CCDC33: variants seen among roughly 807,000 people sequenced by gnomAD.
CCDC33 encodes the protein coiled-coil domain-containing protein 33.
Under a neutral mutation model 91.9 loss-of-function variants are expected in CCDC33, and 94 were observed. That is an observed-to-expected ratio of 1.02 (90% CI 0.87 to 1.21). CCDC33 has a LOEUF of 1.21. Among genes scored for constraint, CCDC33 ranks in the 50% most tolerant of loss-of-function variants. CCDC33 has a pLI of 0.00. For missense variants in CCDC33, 940 were observed against 935.5 expected (o/e 1.00, Z -0.06); for synonymous variants, 396 against 374.5 (o/e 1.06, Z -0.66).
chr15:74,210,807 T>C (rs2074355384), intron 2 of CCDC33, among the ~76,000 whole-genome samples: 1 of 152,184 alleles, frequency 6.6e-6, no homozygotes, highest in Non-Finnish European at 1.5e-5. Flanking sequence ...AAAAAGAGTG[T>C]TGAGCACAAT....
At position 74,244,689 on chromosome 15, in the gene CCDC33, C is replaced by T. The variant is rs1317247378; in HGVS notation, c.185+541C>T. The stretch of plus-strand genomic sequence containing the variant: ...CAGCTGCTGTCAGGGTACACACTTC[C>T]CCAGCCTGGCACCAAGGCCTGCCAC... On this transcript the variant is annotated intron_variant, in intron 2 of 18. Transcript: ENST00000398814. The surrounding 1 kb of genome is among the most constrained non-coding windows in gnomAD (Gnocchi z 4.2). 6.6e-6 allele frequency among the ~76,000 whole-genome samples: 1 copy of T among 152,198 alleles called. No homozygotes were observed. Among genetic ancestry groups the T allele is most frequent in the Admixed American group, 6.5e-5 (1 of 15,286 alleles).
chr15:74,254,033 T>C (rs1212869626), intron 2 of CCDC33, among the ~76,000 whole-genome samples: 1 of 151,706 alleles, frequency 6.6e-6, no homozygotes, highest in Non-Finnish European at 1.5e-5. Context: ...TTTTATTTAT[T>C]TTATTTTTTT....
chr15:74,239,488 C>A (rs538464710), intron 1 of CCDC33, among the ~76,000 whole-genome samples: 1 of 152,330 alleles, frequency 6.6e-6, no homozygotes, highest in African/African-American at 2.4e-5. Context: ...GGCTGCCTGT[C>A]TGTTTGGATA....
At chr15:74,309,065 C>T (rs761477326) in intron 11 of CCDC33, among the ~76,000 whole-genome samples, 61 of 152,220 alleles carry the variant, frequency 4.0e-4, no homozygotes, top group Middle Eastern at 3.4e-3. Flanking sequence ...TGGGGCCCTC[C>T]TGCCTACCTC....
Position 74,257,377 on chromosome 15 carries a change from C to T in CCDC33, c.186-5063C>T, listed in dbSNP as rs541310442. ...AGGCTGTTGTCTGGTGAAGCGGGGG[C>T]GAGAAGAGAAGGGAGCTTCAGCACT... On this transcript the variant is annotated intron_variant, in intron 2 of 18. Coordinates refer to ENST00000398814, the MANE Select transcript of CCDC33 (RefSeq NM_025055.5). Among the ~76,000 whole-genome samples, 7 of 152,196 alleles carry T rather than the reference C, an allele frequency of 4.6e-5. No homozygotes were observed. In the South Asian group the frequency reaches 8.3e-4, roughly 18 times the overall value.
rs1443766970 is a variant in CCDC33, at chr15:74,332,813, G to A, written c.1906G>A (p.Ala636Thr). The change falls in exon 16 of 19, where the codon GCC becomes ACC. Residue 636 changes from alanine to threonine, a missense_variant. Ala to Thr is a moderately conservative substitution (Grantham distance 58). Coordinates refer to ENST00000398814, the MANE Select transcript of CCDC33 (RefSeq NM_025055.5). ...GCTGGATAAGAACCGCCACCAGCAG[G>A]CCCCCATCATTCTGCAGCAACAGGC... ...TELDKNRHQQ[A>T]PIILQQQALP... 3.1e-6 allele frequency: 5 copies of A among 1,613,954 alleles called. No homozygotes were observed. The highest frequency in any genetic ancestry group is 1.7e-6 in the Non-Finnish European group (2 of 1,180,016).
intron 11 of CCDC33, among the ~76,000 whole-genome samples, chr15:74,318,148 G>T (rs1379774529): frequency 1.3e-5 from 2 of 151,484 alleles, no homozygotes; most frequent in Non-Finnish European, 2.9e-5. Flanking sequence ...CTAAGGGGGA[G>T]GGGGAGGAGG....
At chr15:74,322,025 A>C (rs551616779) in intron 11 of CCDC33, among the ~76,000 whole-genome samples, 27 of 152,256 alleles carry the variant, frequency 1.8e-4, no homozygotes, top group Middle Eastern at 3.4e-3. Flanking sequence ...CCATGGGTGG[A>C]GTGGCCAGGG....
intron 11 of CCDC33, among the ~76,000 whole-genome samples, chr15:74,297,473 G>A (rs866304361): frequency 1.3e-4 from 20 of 152,184 alleles, no homozygotes; most frequent in African/African-American, 4.3e-4. Flanking sequence ...TGGGAGGATC[G>A]CTTGAGCCCA....
At chr15:74,220,109 G>A (rs1393134967) in intron 2 of CCDC33, among the ~76,000 whole-genome samples, 3 of 152,118 alleles carry the variant, frequency 2.0e-5, no homozygotes, top group Admixed American at 1.3e-4. Context: ...AACACCAGAG[G>A]GGTTTGTGCA....
chr15:74,330,634 C>A, intron 12 of CCDC33, 29 bp from the exon 13 acceptor site: 3 of 1,579,120 alleles, frequency 1.9e-6, no homozygotes, highest in Non-Finnish European at 2.6e-6. Flanking sequence ...GGCTTCCTCC[C>A]TGAGCCAGCT....
intron 11 of CCDC33, among the ~76,000 whole-genome samples, 199 bp downstream of exon 11, chr15:74,296,147 C>G (rs2059682203): frequency 6.6e-6 from 1 of 152,226 alleles, no homozygotes; most frequent in Non-Finnish European, 1.5e-5. Flanking sequence ...GTCTCTTCAC[C>G]TTTTGAGTGG....
chr15:74,217,591 AGG>A, intron 1 of CCDC33: 3 of 1,214,566 alleles, frequency 2.5e-6, no homozygotes, highest in Non-Finnish European at 3.2e-6. Flanking sequence ...GGTATGAAGT[AGG>A]GGTGGGGTTT....
chr15:74,240,471 C>T (rs899135182), intron 1 of CCDC33, among the ~76,000 whole-genome samples: 8 of 152,210 alleles, frequency 5.3e-5, no homozygotes, highest in African/African-American at 1.9e-4. Flanking sequence ...ACTGCAGGAA[C>T]TTCAGGCACA....
intron 11 of CCDC33, 150 bp downstream of exon 11, chr15:74,296,098 A>G (rs372262462): frequency 3.1e-6 from 2 of 635,070 alleles, no homozygotes; most frequent in Non-Finnish European, 2.6e-6. Flanking sequence ...GTTACCCCAA[A>G]GTCAAACTGC....
chr15:74,234,804 C>T (rs1016435756), upstream of CCDC33, among the ~76,000 whole-genome samples: 1 of 152,262 alleles, frequency 6.6e-6, no homozygotes, highest in African/African-American at 2.4e-5. Flanking sequence ...CACAGTGAGG[C>T]AGGCAAGGTG....
At chr15:74,272,281 G>A (rs912948380) in intron 6 of CCDC33, among the ~76,000 whole-genome samples, 13 of 151,916 alleles carry the variant, frequency 8.6e-5, no homozygotes, top group East Asian at 3.9e-4. Context: ...TAGCCCTGCC[G>A]GGCGGAGTCT....
chr15:74,264,519 G>A (rs895056902), intron 3 of CCDC33, among the ~76,000 whole-genome samples: 5 of 152,112 alleles, frequency 3.3e-5, no homozygotes, highest in Admixed American at 1.3e-4. Flanking sequence ...GAAAATGTAC[G>A]GCACTCACCT....
At chr15:74,220,773 T>C (rs1304481630) in intron 2 of CCDC33, among the ~76,000 whole-genome samples, 4 of 150,114 alleles carry the variant, frequency 2.7e-5, no homozygotes, top group Non-Finnish European at 5.9e-5. Context: ...TGGGGGAGAG[T>C]GGGGGGAGAG....
Sources: gnomAD v4.1 joint callset for allele counts (sites outside exome capture counted in the v4.1 genomes callset) on GRCh38, gnomAD v4.1.1 for gene constraint, Gnocchi (gnomAD v3.1) non-coding constraint, MANE v1.5 for transcripts, NCBI Gene and HGNC (gene_info 2026-07-23, HGNC 2026-07-21) for gene names.